Variants in CSMD1 observed in about 807,000 individuals in gnomAD.
The protein encoded by CSMD1 is CUB and sushi domain-containing protein 1.
A neutral mutation model predicts 417.5 loss-of-function variants in CSMD1; 213 were observed. The ratio of observed to expected loss-of-function variants is 0.51; its 90% confidence interval spans 0.46 to 0.57. The LOEUF is 0.57. Ranked by LOEUF, CSMD1 falls within the 20% of genes least tolerant of loss-of-function variation. CSMD1 has a pLI of 0.00. For missense variants in CSMD1, 6,923 were observed against 4,529.7 expected (o/e 1.53, Z -15.17); for synonymous variants, 2,862 against 1,736.8 (o/e 1.65, Z -16.11).
chr8:4,126,985 C>T (rs1456838904), intron 3 of CSMD1, among the ~76,000 whole-genome samples: 1 of 152,132 alleles, frequency 6.6e-6, no homozygotes, highest in Non-Finnish European at 1.5e-5. Context: ...TGCTGGTGCA[C>T]ATTCGAGTTT....
chr8:3,999,192 A>T (rs6985195), intron 4 of CSMD1, among the ~76,000 whole-genome samples: 1 of 151,288 alleles, frequency 6.6e-6, no homozygotes, highest in East Asian at 1.9e-4. Context: ...AATACTTCCT[A>T]TCCATAATAT....
In CSMD1 at chr8:4,002,879, T is replaced by G. The variant is rs544360801; in HGVS notation, c.611-4769A>C. On this transcript the variant is annotated intron_variant, in intron 4 of 69. Coordinates refer to ENST00000635120, the MANE Select transcript of CSMD1 (RefSeq NM_033225.6). ...TGAATGTATTAAATAATGGGTAACTTGTTACATTAAAATATAATATATGGT... is the reference window on the plus strand; with the variant it reads ...TGAATGTATTAAATAATGGGTAACTGGTTACATTAAAATATAATATATGGT... 2.6e-5 allele frequency among the ~76,000 whole-genome samples: 4 copies of G among 152,358 alleles called. No homozygotes were observed. In the East Asian group the frequency reaches 7.7e-4, roughly 29 times the overall value.
intron 7 of CSMD1, among the ~76,000 whole-genome samples, chr8:3,682,724 T>G (rs941508340): frequency 6.6e-6 from 1 of 152,220 alleles, no homozygotes; most frequent in Admixed American, 6.5e-5. Context: ...ATCATGCTGT[T>G]ATAAAGACAC....
rs376309037 is a variant in CSMD1, at chr8:3,660,660, A to G, written c.1010-43863T>C. Among the ~76,000 whole-genome samples the G allele has an allele frequency of 4.7e-4, 72 of 151,836 alleles. 1 individual carries two copies. In the South Asian group the frequency reaches 0.014, roughly 30 times the overall value. On this transcript the variant is annotated intron_variant, in intron 7 of 69. Coordinates refer to ENST00000635120, the MANE Select transcript of CSMD1 (RefSeq NM_033225.6). ...CTCAGCCTCCTGAGTAGCTGGGATT[A>G]CAGGGTCCCTCCACCACACCTGGCT...
At chr8:4,233,756 G>A (rs536196675) in intron 3 of CSMD1, among the ~76,000 whole-genome samples, 5 of 152,236 alleles carry the variant, frequency 3.3e-5, no homozygotes, top group African/African-American at 9.6e-5. Context: ...GATCTCTGTT[G>A]AAATGCACAA....
chr8:4,431,983 T>A (rs1471022058), intron 2 of CSMD1, among the ~76,000 whole-genome samples: 1 of 152,196 alleles, frequency 6.6e-6, no homozygotes, highest in Non-Finnish European at 1.5e-5. Context: ...CTTACATTTA[T>A]GCACTTCATT....
chr8:4,279,076 C>G (rs1032575574), intron 3 of CSMD1, among the ~76,000 whole-genome samples: 2 of 152,062 alleles, frequency 1.3e-5, no homozygotes, highest in African/African-American at 4.8e-5. Flanking sequence ...TATGTTTGAA[C>G]ATTTTCCTAA....
At chr8:4,291,811 A>T (rs1312143077) in intron 3 of CSMD1, among the ~76,000 whole-genome samples, 1 of 152,234 alleles carries the variant, frequency 6.6e-6, no homozygotes. Context: ...TCTGGTTCTG[A>T]AATGTCATGT....
At chr8:3,592,734 T>C (rs1800908448) in intron 8 of CSMD1, among the ~76,000 whole-genome samples, 1 of 152,098 alleles carries the variant, frequency 6.6e-6, no homozygotes, top group African/African-American at 2.4e-5. Context: ...TTGATTTTTC[T>C]TCCCCCTGTA....
At chr8:4,844,829 C>A (rs571373127) in intron 1 of CSMD1, among the ~76,000 whole-genome samples, 1 of 152,074 alleles carries the variant, frequency 6.6e-6, no homozygotes, top group Non-Finnish European at 1.5e-5. Flanking sequence ...TCCAAACCAG[C>A]CTTAAAAATT....
At chr8:3,873,462 CA>C (rs2129114733) in intron 5 of CSMD1, among the ~76,000 whole-genome samples, 1 of 152,102 alleles carries the variant, frequency 6.6e-6, no homozygotes, top group East Asian at 1.9e-4. Context: ...AACAGAAAAC[CA>C]AATACCACAC....
At position 3,839,550 on chromosome 8, in the gene CSMD1, T is replaced by G. The variant is rs1001921721; in HGVS notation, c.819-85508A>C. On this transcript the variant is annotated intron_variant, in intron 5 of 69. Transcript: ENST00000635120. ...ATATGTTAAGATTTTATATATTATA[T>G]ATATATTATAATATATAATATTAAT... Among the ~76,000 whole-genome samples the G allele has an allele frequency of 5.0e-4, 46 of 91,766 alleles. 1 individual carries two copies. In the East Asian group the frequency reaches 0.01, roughly 21 times the overall value. 60.2% of individuals were successfully genotyped at this position (91,766 alleles called of 152,430 possible).
Position 4,423,124 on chromosome 8 carries a change from T to C in CSMD1, c.303-3059A>G, listed in dbSNP as rs181399756. On this transcript the variant is annotated intron_variant, in intron 2 of 69. Transcript: ENST00000635120. ...TGGTTGAAGACTGAATGCTTCTGCC[T>C]AAGACTGGAAACAAGTCAAGAAATT... 2.2e-4 allele frequency among the ~76,000 whole-genome samples: 34 copies of C among 152,196 alleles called. No homozygotes were observed. In the East Asian group the frequency reaches 6.6e-3, roughly 29 times the overall value.
chr8:4,768,509 T>C (rs1246208478), intron 1 of CSMD1, among the ~76,000 whole-genome samples: 2 of 152,214 alleles, frequency 1.3e-5, no homozygotes, highest in Non-Finnish European at 2.9e-5. Context: ...AGCTGAGTTA[T>C]TTGGGATGAA....
At chr8:4,498,192 A>G (rs751274373) in intron 2 of CSMD1, among the ~76,000 whole-genome samples, 10 of 152,158 alleles carry the variant, frequency 6.6e-5, no homozygotes, top group Non-Finnish European at 1.0e-4. Context: ...TGCTAACCCA[A>G]TGCTTAGCAG....
chr8:3,982,197 A>AATAATAAT (rs199836458), intron 5 of CSMD1, among the ~76,000 whole-genome samples: 5 of 105,540 alleles, frequency 4.7e-5, no homozygotes, highest in African/African-American at 7.3e-5. Flanking sequence ...TAATATTAAT[A>AATAATAAT]AAAAAAATAA....
chr8:4,632,225 G>A (rs1015635857), intron 2 of CSMD1, among the ~76,000 whole-genome samples: 6 of 152,120 alleles, frequency 3.9e-5, no homozygotes, highest in Admixed American at 2.0e-4. Flanking sequence ...ATTGCCCCAC[G>A]AACACTTATT....
At chr8:4,554,813 T>C (rs1798017912) in intron 2 of CSMD1, among the ~76,000 whole-genome samples, 1 of 152,068 alleles carries the variant, frequency 6.6e-6, no homozygotes, top group African/African-American at 2.4e-5. Context: ...GTTGAGGCAG[T>C]CCAGTATTTT....
intron 54 of CSMD1, among the ~76,000 whole-genome samples, chr8:2,997,470 A>G (rs1044542638): frequency 4.6e-5 from 7 of 152,238 alleles, no homozygotes; most frequent in African/African-American, 1.7e-4. Flanking sequence ...CTAAAGTACA[A>G]TACACCACCA....
Sources: gnomAD v4.1 joint callset for allele counts (sites outside exome capture counted in the v4.1 genomes callset) on GRCh38, gnomAD v4.1.1 for gene constraint, MANE v1.5 for transcripts, NCBI Gene and HGNC (gene_info 2026-07-23, HGNC 2026-07-21) for gene names.